Variants in IGSF3 observed in about 807,000 individuals in gnomAD.
The protein encoded by IGSF3 is glu-Trp-Ile EWI motif-containing protein 3.
A neutral mutation model predicts 114.4 loss-of-function variants in IGSF3; 23 were observed. The observed-to-expected ratio is 0.20, with a 90% CI of 0.14 to 0.28. The LOEUF (loss-of-function observed/expected upper bound fraction) is 0.28. IGSF3 is among the 10% of genes least tolerant of loss of function. IGSF3 has a pLI of 1.00. For missense variants in IGSF3, 1,172 were observed against 1,591.5 expected, an observed-to-expected ratio of 0.74 and a Z score of 4.48; for synonymous variants, 571 against 645.2, an observed-to-expected ratio of 0.88 and a Z score of 1.74.
intron 2 of IGSF3, among the ~76,000 whole-genome samples, chr1:116,630,528 G>T (rs553398052): frequency 6.6e-6 from 1 of 152,226 alleles, no homozygotes; most frequent in Admixed American, 6.5e-5. Flanking sequence ...ATTGTCAGTG[G>T]GATACAGAGT....
Position 116,615,595 on chromosome 1 carries a change from T to C in IGSF3, c.421+485A>G, listed in dbSNP as rs7513140. Among the ~76,000 whole-genome samples the C allele has an allele frequency of 9.2e-5, 14 of 152,186 alleles. No individual in the cohort carries two copies. The highest frequency in any genetic ancestry group is 2.9e-4 in the African/African-American group (12 of 41,458). On this transcript the variant is annotated intron_variant, in intron 3 of 10. Transcript: ENST00000369486. The surrounding 1 kb of genome is among the most constrained non-coding windows in gnomAD (Gnocchi z 4.3). ...AACAAGGGAGACAGCCAGTTCATAG[T>C]TCCTTACGCATGGAGCCAAAGGACC...
At position 116,596,561 on chromosome 1, in the gene IGSF3, A is replaced by G. The variant is rs1474616542; in HGVS notation, c.2029+3380T>C. On this transcript the variant is annotated intron_variant, in intron 7 of 10. Coordinates refer to ENST00000369486, the MANE Select transcript of IGSF3 (RefSeq NM_001007237.3). This position sits in a 1 kb window ranked among gnomAD's most constrained non-coding sequence, Gnocchi z 4.1. The stretch of plus-strand genomic sequence containing the variant: ...CCTCTACCAATGTCTTATGACCCCA[A>G]CTTCCAAAAAACAAATTTAAGGATT... Among the ~76,000 whole-genome samples the G allele has an allele frequency of 6.6e-6, 1 of 152,238 alleles. No individual in the cohort carries two copies. Among genetic ancestry groups the G allele is most frequent in the Non-Finnish European group, 1.5e-5 (1 of 68,048 alleles).
chr1:116,621,360 C>T (rs1035604572), intron 2 of IGSF3, among the ~76,000 whole-genome samples: 25 of 152,168 alleles, frequency 1.6e-4, no homozygotes, highest in Admixed American at 1.2e-3. Flanking sequence ...TAGGGTCTCA[C>T]TGTGTTGCCC....
rs1647665437 is a variant in IGSF3 at position 116,633,042 on chromosome 1, T to C, written c.44-16585A>G. 6.6e-6 allele frequency among the ~76,000 whole-genome samples: 1 copy of C among 152,230 alleles called. No homozygotes were observed. The highest frequency in any genetic ancestry group is 1.5e-5 in the Non-Finnish European group (1 of 68,044). ...GAGAAAAAAATAGCTTCAAATGCTA[T>C]ATAGACCAATGCTGCACGCTGCAGA... On this transcript the variant is annotated intron_variant, in intron 2 of 10. Transcript: ENST00000369486. The surrounding 1 kb of genome is among the most constrained non-coding windows in gnomAD (Gnocchi z 4.3).
intron 9 of IGSF3, among the ~76,000 whole-genome samples, chr1:116,581,583 A>G (rs924768869): frequency 1.3e-5 from 2 of 152,130 alleles, no homozygotes; most frequent in African/African-American, 4.8e-5. Context: ...CTCACAGGTT[A>G]ACACAAGGCT....
In IGSF3 at chr1:116,627,677, TG is replaced by T; in HGVS notation, c.44-11221del. On this transcript the variant is annotated intron_variant, in intron 2 of 10. Coordinates refer to ENST00000369486, the MANE Select transcript of IGSF3 (RefSeq NM_001007237.3). This position sits in a 1 kb window ranked among gnomAD's most constrained non-coding sequence, Gnocchi z 4.7. ...GCGGGGCGCCAACAGCAAAAGCACT[TG>T]GGGGGCTTTTTCAAGTGGCATCAGA... 6.6e-6 allele frequency among the ~76,000 whole-genome samples: 1 copy of T among 152,126 alleles called. No homozygotes were observed. The highest frequency in any genetic ancestry group is 1.5e-5 in the Non-Finnish European group (1 of 67,988).
Position 116,650,935 on chromosome 1 carries a change from A to C in IGSF3, c.43+15349T>G, listed in dbSNP as rs1343163304. ...GGGCCCTACTCCCAGTTCCACAGAT[A>C]GGGAGCAGGCCCCAGGCCAGAGTGC... On this transcript the variant is annotated intron_variant, in intron 2 of 10. Coordinates refer to ENST00000369486, the MANE Select transcript of IGSF3 (RefSeq NM_001007237.3). This position sits in a 1 kb window ranked among gnomAD's most constrained non-coding sequence, Gnocchi z 5.0. 6.6e-6 allele frequency among the ~76,000 whole-genome samples: 1 copy of C among 152,230 alleles called. No homozygotes were observed. The highest frequency in any genetic ancestry group is 1.5e-5 in the Non-Finnish European group (1 of 68,040).
At chr1:116,622,766 G>C (rs938672548) in intron 2 of IGSF3, among the ~76,000 whole-genome samples, 1 of 152,156 alleles carries the variant, frequency 6.6e-6, no homozygotes, top group Non-Finnish European at 1.5e-5. Context: ...TACCAGACAA[G>C]GAAATGGTTT....
chr1:116,630,276 T>C (rs1476493453), intron 2 of IGSF3, among the ~76,000 whole-genome samples: 1 of 152,186 alleles, frequency 6.6e-6, no homozygotes, highest in African/African-American at 2.4e-5. Context: ...CAGAGAAGCC[T>C]CTTTGGAAGA....
intron 2 of IGSF3, among the ~76,000 whole-genome samples, chr1:116,663,224 A>C (rs886394951): frequency 3.3e-5 from 5 of 152,142 alleles, no homozygotes; most frequent in African/African-American, 7.2e-5. Flanking sequence ...CTTTCCTGAG[A>C]ATTTCCTTCC....
intron 2 of IGSF3, among the ~76,000 whole-genome samples, chr1:116,626,452 C>T (rs1361849557): frequency 6.6e-6 from 1 of 152,076 alleles, no homozygotes; most frequent in East Asian, 1.9e-4. Flanking sequence ...TAGGATTACA[C>T]CACATTTTAT....
Position 116,647,039 on chromosome 1 carries a change from G to A in IGSF3, c.43+19245C>T, listed in dbSNP as rs1056981863. ...AAAGGAAATCCTAAAGAGCAGGCGA[G>A]AGAACAGTGGAACTGGCAGAGAGAG... On this transcript the variant is annotated intron_variant, in intron 2 of 10. Transcript: ENST00000369486. This position sits in a 1 kb window ranked among gnomAD's most constrained non-coding sequence, Gnocchi z 4.6. The A allele has an allele frequency of 4.6e-5, 7 of 152,682 alleles. No homozygotes were observed. Among genetic ancestry groups the A allele is most frequent in the African/African-American group, 1.7e-4 (7 of 41,584 alleles). The allele number at this position is 152,682 out of a possible 1,614,324, so 9.5% of individuals were successfully genotyped here.
In IGSF3 at chr1:116,642,716, A is replaced by C. The variant is rs1364243211; in HGVS notation, c.43+23568T>G. Among the ~76,000 whole-genome samples the C allele has an allele frequency of 6.6e-6, 1 of 152,254 alleles. No individual in the cohort carries two copies. The highest frequency in any genetic ancestry group is 1.5e-5 in the Non-Finnish European group (1 of 68,038). ...GAAGAGCTTGGCTGCCAGCAGGTGCAGCGCTGCCCTGGGATACCAGCTCCT... is the reference window on the plus strand; with the variant it reads ...GAAGAGCTTGGCTGCCAGCAGGTGCCGCGCTGCCCTGGGATACCAGCTCCT... On this transcript the variant is annotated intron_variant, in intron 2 of 10. Coordinates refer to ENST00000369486, the MANE Select transcript of IGSF3 (RefSeq NM_001007237.3). This position sits in a 1 kb window ranked among gnomAD's most constrained non-coding sequence, Gnocchi z 5.4.
At chr1:116,587,802 C>A (rs962341779) in intron 8 of IGSF3, among the ~76,000 whole-genome samples, 1 of 152,048 alleles carries the variant, frequency 6.6e-6, no homozygotes, top group African/African-American at 2.4e-5. Context: ...AGCGAAGGCA[C>A]GGAGATGAGG....
rs1659526933 is a variant in IGSF3, at chr1:116,579,864, C to T, written c.2862G>A (p.Gln954=). The T allele has an allele frequency of 1.9e-6, 3 of 1,603,032 alleles. No homozygotes were observed. The highest frequency in any genetic ancestry group is 2.7e-5 in the African/African-American group (2 of 74,766). ...TGGCATTGGGGACCACTGTGTCCACCTGCAGGGAAGCATCTGGGGAATGAC... is the reference window on the plus strand; with the variant it reads ...TGGCATTGGGGACCACTGTGTCCACTTGCAGGGAAGCATCTGGGGAATGAC... ...LTVMRPDASL[Q]VDTVVPNATV... The change falls in exon 10 of 11, where the codon CAG becomes CAA. Residue 954 remains glutamine, a synonymous_variant. Transcript: ENST00000369486. This position sits in a 1 kb window ranked among gnomAD's most constrained non-coding sequence, Gnocchi z 6.4.
rs561822679 is a variant in IGSF3 at position 116,581,777 on chromosome 1, T to C, written c.2849-1900A>G. On this transcript the variant is annotated intron_variant, in intron 9 of 10. Transcript: ENST00000369486. ...ACAGAATATGGCCGGGTGGGGACTA[T>C]TCAATCAGTTCACAGGTAACTCAAA... 3.3e-5 allele frequency among the ~76,000 whole-genome samples: 5 copies of C among 152,278 alleles called. No homozygotes were observed. The South Asian group carries it at 8.3e-4, about 25-fold the overall frequency.
Position 116,599,925 on chromosome 1 carries a change from G to GGTGA in IGSF3, c.2029+15_2029+16insTCAC. 2 of 1,601,968 alleles carry GGTGA rather than the reference G, an allele frequency of 1.2e-6. No homozygotes were observed. On this transcript the variant is annotated intron_variant, in intron 7 of 10. Transcript: ENST00000369486. ...AGGCAGCATGGGCACATAGCCCACA[G>GGTGA]GTCCGCAGCACTCACCTGGCTGCAG...
In IGSF3 at chr1:116,607,459, T is replaced by G. The variant is rs1192093474; in HGVS notation, c.1222+483A>C. The stretch of plus-strand genomic sequence containing the variant: ...AAGCCATTTAGGGAAATGCCAGCCT[T>G]TATACCTGAAAAACCCAGATGGCAA... On this transcript the variant is annotated intron_variant, in intron 5 of 10. Coordinates refer to ENST00000369486, the MANE Select transcript of IGSF3 (RefSeq NM_001007237.3). The surrounding 1 kb of genome is among the most constrained non-coding windows in gnomAD (Gnocchi z 6.1). Among the ~76,000 whole-genome samples, 1 of 152,208 alleles carries G rather than the reference T, an allele frequency of 6.6e-6. No homozygotes were observed. Among genetic ancestry groups the G allele is most frequent in the Non-Finnish European group, 1.5e-5 (1 of 68,038 alleles).
chr1:116,617,400 C>A, intron 2 of IGSF3: 2 of 984,184 alleles, frequency 2.0e-6, no homozygotes, highest in South Asian at 4.7e-5. Context: ...CTCTTCATTT[C>A]GGCAGTGGTC....
Sources: gnomAD v4.1 joint callset for allele counts (sites outside exome capture counted in the v4.1 genomes callset) on GRCh38, gnomAD v4.1.1 for gene constraint, Gnocchi (gnomAD v3.1) non-coding constraint, MANE v1.5 for transcripts, NCBI Gene and HGNC (gene_info 2026-07-23, HGNC 2026-07-21) for gene names.